Variants in TMEM132B observed in about 807,000 individuals in gnomAD.
The protein encoded by TMEM132B is transmembrane protein 132B.
In TMEM132B, 18 loss-of-function variants were observed where a neutral mutation model predicts 90.8. The observed-to-expected ratio is 0.20, with a 90% CI of 0.14 to 0.29. The LOEUF (loss-of-function observed/expected upper bound fraction) is 0.29, where lower values mean the gene tolerates loss of function less well. Among genes scored for constraint, TMEM132B ranks in the 10% least tolerant of loss-of-function variants. The probability of loss-of-function intolerance (pLI) is 1.00; values close to 1 mark genes in which losing one functional copy is unlikely to be tolerated. For synonymous variants in TMEM132B, 504 were observed against 523.3 expected (o/e 0.96, Z 0.50); for missense variants, 1,096 against 1,326.8 (o/e 0.83, Z 2.70).
At chr12:125,549,897 G>A (rs1360177043) in intron 4 of TMEM132B, among the ~76,000 whole-genome samples, 3 of 152,126 alleles carry the variant, frequency 2.0e-5, no homozygotes, top group African/African-American at 4.8e-5. Context: ...CTTCTAGAAC[G>A]AGCATGTGCC....
chr12:125,401,981 A>C (rs1425586743), intron 2 of TMEM132B, among the ~76,000 whole-genome samples: 6 of 152,220 alleles, frequency 3.9e-5, no homozygotes, highest in Non-Finnish European at 7.3e-5. Flanking sequence ...CCAGTTTTCT[A>C]TAACTATACA....
At chr12:125,425,776 G>T (rs1472051763) in intron 3 of TMEM132B, among the ~76,000 whole-genome samples, 1 of 152,166 alleles carries the variant, frequency 6.6e-6, no homozygotes, top group African/African-American at 2.4e-5. Context: ...TTCTTGGCTT[G>T]ATAGCTCATT....
chr12:125,297,958 A>G (rs1175925402), intron 1 of TMEM132B, among the ~76,000 whole-genome samples: 1 of 152,164 alleles, frequency 6.6e-6, no homozygotes, highest in African/African-American at 2.4e-5. Context: ...TCGCCTCCTA[A>G]GAAATACCTT....
chr12:125,333,634 A>G (rs1876863570), intron 1 of TMEM132B, among the ~76,000 whole-genome samples: 1 of 152,116 alleles, frequency 6.6e-6, no homozygotes, highest in Non-Finnish European at 1.5e-5. Flanking sequence ...GACTGTGGTG[A>G]GCTTTAGGAT....
intron 1 of TMEM132B, among the ~76,000 whole-genome samples, chr12:125,341,846 C>A (rs563189239): frequency 2.6e-5 from 4 of 152,102 alleles, no homozygotes; most frequent in Non-Finnish European, 4.4e-5. Context: ...GATGAGGTAG[C>A]GTGTTGTGTA....
chr12:125,623,012 C>T (rs1886149064), intron 5 of TMEM132B, among the ~76,000 whole-genome samples: 1 of 152,182 alleles, frequency 6.6e-6, no homozygotes. Flanking sequence ...ACCCTGAACA[C>T]CTAAGCTTGT....
chr12:125,505,185 A>AAAC lies in TMEM132B; in HGVS notation c.1107-14252_1107-14251insCAA, dbSNP rs1555254113. Among the ~76,000 whole-genome samples, 63 of 121,732 alleles carry AAAC rather than the reference A, an allele frequency of 5.2e-4. 4 individuals are homozygous for AAAC. The highest frequency in any genetic ancestry group is 2.7e-4 in the East Asian group (1 of 3,772). 79.9% of individuals were successfully genotyped at this position (121,732 alleles called of 152,430 possible). On this transcript the variant is annotated intron_variant, in intron 3 of 8. Transcript: ENST00000682704. ...AGAGGACAAAAAAAAAAAAAAAAAA[A>AAAC]AAAAAAAAAACAGTAAGTGGGGACT...
At chr12:125,543,674 G>A (rs1884015861) in intron 4 of TMEM132B, among the ~76,000 whole-genome samples, 1 of 152,148 alleles carries the variant, frequency 6.6e-6, no homozygotes, top group African/African-American at 2.4e-5. Context: ...AGTTAGAATG[G>A]CGATTATTAA....
intron 1 of TMEM132B, among the ~76,000 whole-genome samples, chr12:125,222,520 C>G (rs1001287382): frequency 1.3e-5 from 2 of 152,154 alleles, no homozygotes; most frequent in Non-Finnish European, 2.9e-5. Context: ...GGGGGATTTT[C>G]ACTTTCTGAA....
At chr12:125,269,397 C>T (rs999269632) in intron 1 of TMEM132B, among the ~76,000 whole-genome samples, 2 of 152,182 alleles carry the variant, frequency 1.3e-5, no homozygotes, top group Non-Finnish European at 2.9e-5. Context: ...TTCTGGTTCT[C>T]TGGCAGAGGT....
chr12:125,642,938 T>A (rs541522428), intron 5 of TMEM132B, among the ~76,000 whole-genome samples: 1 of 141,350 alleles, frequency 7.1e-6, no homozygotes, highest in Admixed American at 6.8e-5. Context: ...TTAGTGCCAT[T>A]TTTTTTTGGC....
intron 3 of TMEM132B, among the ~76,000 whole-genome samples, chr12:125,446,879 T>C: frequency 6.6e-6 from 1 of 152,258 alleles, no homozygotes; most frequent in East Asian, 1.9e-4. Context: ...TATTGCATTT[T>C]GGATTTGCTT....
intron 3 of TMEM132B, among the ~76,000 whole-genome samples, chr12:125,419,261 G>C (rs1298995368): frequency 2.0e-5 from 3 of 152,156 alleles, no homozygotes; most frequent in Non-Finnish European, 4.4e-5. Context: ...ACTGTGAAGG[G>C]TACTGTATTA....
At chr12:125,615,161 C>T (rs1376721823) in intron 5 of TMEM132B, among the ~76,000 whole-genome samples, 1 of 151,950 alleles carries the variant, frequency 6.6e-6, no homozygotes, top group Non-Finnish European at 1.5e-5. Context: ...GAATCTCTGT[C>T]TCTATTCTAC....
At chr12:125,612,644 A>G (rs1249672192) in intron 5 of TMEM132B, among the ~76,000 whole-genome samples, 1 of 143,422 alleles carries the variant, frequency 7.0e-6, no homozygotes, top group African/African-American at 2.5e-5. Flanking sequence ...TATGACAACT[A>G]TATATACTTG....
At chr12:125,635,586 G>A (rs1886461404) in intron 5 of TMEM132B, among the ~76,000 whole-genome samples, 1 of 152,162 alleles carries the variant, frequency 6.6e-6, no homozygotes, top group African/African-American at 2.4e-5. Context: ...ATTGTGAACA[G>A]TGCCACAGTA....
chr12:125,430,124 C>A (rs551314708), intron 3 of TMEM132B, among the ~76,000 whole-genome samples: 5 of 152,188 alleles, frequency 3.3e-5, no homozygotes, highest in Non-Finnish European at 7.3e-5. Flanking sequence ...CACGCCTGAC[C>A]GTGCCTGACA....
chr12:125,515,732 TCA>T (rs1162203952), intron 3 of TMEM132B, among the ~76,000 whole-genome samples: 4 of 151,316 alleles, frequency 2.6e-5, no homozygotes, highest in South Asian at 4.2e-4. Flanking sequence ...TCACACACAT[TCA>T]CACACATTCT....
In TMEM132B at chr12:125,654,989, T is replaced by C. The variant is rs1454099016; in HGVS notation, c.*279T>C. On this transcript the variant is annotated 3_prime_UTR_variant, in exon 9 of 9. Transcript: ENST00000682704. The surrounding 1 kb of genome is among the most constrained non-coding windows in gnomAD (Gnocchi z 5.8). ...GAGCTCAGTGCAAATGTATTAAACC[T>C]GACCCCACAGACATTGTTAGTCATC... is the stretch of plus-strand genomic sequence containing the variant. 6.0e-6 allele frequency: 2 copies of C among 335,766 alleles called. No individual in the cohort carries two copies. The highest frequency in any genetic ancestry group is 1.1e-4 in the East Asian group (2 of 18,922). The allele number at this position is 335,766 out of a possible 1,614,324, so 20.8% of individuals were successfully genotyped here.
Sources: gnomAD v4.1 joint callset for allele counts (sites outside exome capture counted in the v4.1 genomes callset) on GRCh38, gnomAD v4.1.1 for gene constraint, Gnocchi (gnomAD v3.1) non-coding constraint, MANE v1.5 for transcripts, NCBI Gene and HGNC (gene_info 2026-07-23, HGNC 2026-07-21) for gene names.